TFDP2: variants seen among roughly 807,000 people sequenced by gnomAD.
TFDP2 encodes transcription factor Dp-2 (E2F dimerization partner 2).
In TFDP2, 17 loss-of-function variants were observed where a neutral mutation model predicts 59.3. The observed-to-expected ratio is 0.29, with a 90% CI of 0.20 to 0.43. The LOEUF (loss-of-function observed/expected upper bound fraction) is 0.43, where lower values mean the gene tolerates loss of function less well. TFDP2 is among the 20% of genes least tolerant of loss of function. The pLI is 1.00. For missense variants in TFDP2, 391 were observed against 528.8 expected (o/e 0.74, Z 2.56); for synonymous variants, 180 against 194.7 (o/e 0.92, Z 0.63).
At chr3:142,064,675 AG>A (rs2060019140) in intron 3 of TFDP2, among the ~76,000 whole-genome samples, 1 of 152,204 alleles carries the variant, frequency 6.6e-6, no homozygotes, top group South Asian at 2.1e-4. Context: ...GACTCACTAA[AG>A]GATGTAAAGA....
rs914032663 is a variant in TFDP2, at chr3:142,022,239, C to T, written c.83-16695G>A. On this transcript the variant is annotated intron_variant, in intron 3 of 12. Coordinates refer to ENST00000489671, the MANE Select transcript of TFDP2 (RefSeq NM_001178139.2). ...ACACACACTCCTGAGCTCCACTGGA[C>T]ACCTAAAGATTCAAAAATTAGGTGG... 1.3e-5 allele frequency among the ~76,000 whole-genome samples: 2 copies of T among 152,146 alleles called. 1 individual carries two copies. Among genetic ancestry groups the T allele is most frequent in the South Asian group, 4.2e-4 (2 of 4,814 alleles).
chr3:142,129,558 T>C (rs536397885), intron 1 of TFDP2, among the ~76,000 whole-genome samples: 1 of 152,282 alleles, frequency 6.6e-6, no homozygotes, highest in East Asian at 1.9e-4. Flanking sequence ...ATATATTTGA[T>C]AAGGGTTTCA....
intron 1 of TFDP2, among the ~76,000 whole-genome samples, chr3:142,113,109 A>G (rs888466852): frequency 6.6e-6 from 1 of 152,224 alleles, no homozygotes; most frequent in African/African-American, 2.4e-5. Flanking sequence ...CTCATGCACA[A>G]TGACTACATG....
chr3:142,026,231 T>C (rs1946080685), intron 3 of TFDP2, among the ~76,000 whole-genome samples: 1 of 151,948 alleles, frequency 6.6e-6, no homozygotes, highest in Admixed American at 6.6e-5. Context: ...GGTGGACGCC[T>C]GTAGTCCCAG....
chr3:142,017,772 C>T (rs998146133), intron 3 of TFDP2, among the ~76,000 whole-genome samples: 11 of 151,662 alleles, frequency 7.3e-5, no homozygotes, highest in Middle Eastern at 3.2e-3. Context: ...AGGCTGGTTT[C>T]GAACGCCTGA....
In TFDP2 at chr3:141,963,939, G is replaced by T. The variant is rs777063591; in HGVS notation, c.757C>A (p.Gln253Lys). Residue 253 changes from glutamine (Q) to lysine (K), a missense_variant, in exon 10 of 13, where the codon CAG (glutamine) becomes AAG (lysine). Physicochemically the swap from Gln to Lys is moderately conservative, Grantham distance 53. This residue lies in a region of TFDP2 where 223 missense variants were observed against 292.5 expected (regional missense o/e 0.76). Coordinates refer to ENST00000489671, the MANE Select transcript of TFDP2 (RefSeq NM_001178139.2). ...LQQIAFKNLV[Q>K]RNRQNEQQNQ... ...TGCTGCTCATTTTGTCGATTTCTCT[G>T]TACCAGGTTTTTGAAAGCGATTTGC... 7.4e-6 allele frequency: 12 copies of T among 1,613,446 alleles called. No homozygotes were observed. The South Asian group carries it at 1.1e-4, about 15-fold the overall frequency.
At chr3:142,048,654 T>C (rs1361744586) in intron 3 of TFDP2, among the ~76,000 whole-genome samples, 1 of 152,072 alleles carries the variant, frequency 6.6e-6, no homozygotes, top group African/African-American at 2.4e-5. Context: ...CAACCTTGAC[T>C]TCCCAGGCTC....
At chr3:142,045,237 G>GCAA (rs1478078660) in intron 3 of TFDP2, among the ~76,000 whole-genome samples, 1 of 146,788 alleles carries the variant, frequency 6.8e-6, no homozygotes. Flanking sequence ...TCGGCCCATT[G>GCAA]CAACCTCTGC....
intron 5 of TFDP2, chr3:141,994,301 T>C (rs1284408438): frequency 2.0e-5 from 3 of 152,208 alleles, no homozygotes; most frequent in African/African-American, 7.2e-5. Flanking sequence ...TACCATCTGC[T>C]TGCTCAAACT....
intron 3 of TFDP2, among the ~76,000 whole-genome samples, chr3:142,013,981 T>C (rs568478554): frequency 6.6e-6 from 1 of 152,334 alleles, no homozygotes; most frequent in African/African-American, 2.4e-5. Context: ...CACCCAAGCC[T>C]ACATCACATC....
At chr3:142,066,797 ATT>A (rs1445425215) in intron 3 of TFDP2, among the ~76,000 whole-genome samples, 5 of 152,186 alleles carry the variant, frequency 3.3e-5, no homozygotes, top group Admixed American at 6.5e-5. Context: ...CAAATGGAGA[ATT>A]TGTGTACTTC....
intron 4 of TFDP2, among the ~76,000 whole-genome samples, chr3:141,997,483 T>C (rs1425282184): frequency 6.6e-6 from 1 of 152,122 alleles, no homozygotes; most frequent in African/African-American, 2.4e-5. Flanking sequence ...ACAGATTGTA[T>C]TACTACTGCA....
chr3:142,054,444 T>C (rs1346270796), intron 3 of TFDP2, among the ~76,000 whole-genome samples: 5 of 152,220 alleles, frequency 3.3e-5, no homozygotes, highest in African/African-American at 1.2e-4. Context: ...ATTATGACTT[T>C]AGTAGCTGGT....
At chr3:142,140,477 G>T (rs913717373) in intron 1 of TFDP2, among the ~76,000 whole-genome samples, 1 of 152,168 alleles carries the variant, frequency 6.6e-6, no homozygotes, top group Non-Finnish European at 1.5e-5. Flanking sequence ...TTTCTGCTCT[G>T]GTTTCTCCCC....
intron 5 of TFDP2, 177 bp downstream of exon 5, chr3:141,994,843 G>C (rs1018275275): frequency 8.0e-6 from 4 of 500,658 alleles, no homozygotes; most frequent in Non-Finnish European, 6.7e-6. Context: ...TTTAAAAATA[G>C]TTATTCCAGA....
At chr3:141,988,241 T>C (rs1942353221) in intron 6 of TFDP2, among the ~76,000 whole-genome samples, 1 of 152,106 alleles carries the variant, frequency 6.6e-6, no homozygotes, top group East Asian at 1.9e-4. Flanking sequence ...CCACCGTGCC[T>C]GGCCTGCTGT....
intron 6 of TFDP2, among the ~76,000 whole-genome samples, chr3:141,983,989 G>A (rs1008866286): frequency 5.9e-5 from 9 of 152,094 alleles, no homozygotes; most frequent in Admixed American, 5.9e-4. Flanking sequence ...CTGAAAGCAG[G>A]AACAACAGAT....
At chr3:142,100,593 G>A (rs998215387) in intron 2 of TFDP2, among the ~76,000 whole-genome samples, 5 of 151,972 alleles carry the variant, frequency 3.3e-5, no homozygotes, top group Non-Finnish European at 7.4e-5. Flanking sequence ...GGCTGGTCTC[G>A]AACTCCTGAC....
chr3:142,011,590 T>TAAAAAAAAAAAGAAAAA (rs1944697411), intron 3 of TFDP2, among the ~76,000 whole-genome samples: 1 of 63,892 alleles, frequency 1.6e-5, no homozygotes, highest in African/African-American at 9.1e-5. Flanking sequence ...TAAAGTATAA[T>TAAAAAAAAAAAGAAAAA]AAAAAAAAAA....
Sources: allele counts gnomAD v4.1 joint callset (sites outside exome capture counted in the v4.1 genomes callset), GRCh38; gene constraint gnomAD v4.1.1; regional missense constraint gnomAD v4.1.1; transcripts MANE v1.5; gene names NCBI Gene and HGNC (gene_info 2026-07-23, HGNC 2026-07-21).